COL4A2: variants seen among roughly 807,000 people sequenced by gnomAD.
The protein encoded by COL4A2 is collagen type IV alpha 2 chain, also known as collagen alpha-2(IV) chain.
COL4A2 carries 99 observed loss-of-function variants against 200.2 expected under a neutral mutation model. The observed-to-expected ratio is 0.49, with a 90% confidence interval of 0.42 to 0.58. The LOEUF (loss-of-function observed/expected upper bound fraction) is 0.58, where lower values mean the gene tolerates loss of function less well. Among genes scored for constraint, COL4A2 ranks in the 20% least tolerant of loss-of-function variants. COL4A2 has a pLI of 0.00. For synonymous variants in COL4A2, 897 were observed against 900.6 expected, an observed-to-expected ratio of 1.00 and a Z score of 0.07; for missense variants, 1,950 against 2,314.1, an observed-to-expected ratio of 0.84 and a Z score of 3.23.
Position 110,485,683 on chromosome 13 carries a change from G to A in COL4A2, c.3054G>A (p.Gly1018=), listed in dbSNP as rs749360484. 2.5e-6 allele frequency: 4 copies of A among 1,611,792 alleles called. No individual in the cohort carries two copies. Among genetic ancestry groups the A allele is most frequent in the East Asian group, 4.5e-5 (2 of 44,832 alleles). ...TCCAAGGAATGCCAGGCATCCCAGG[G>A]CTGTCAGGAATCCCTGGGCTGCCTG... is the stretch of plus-strand genomic sequence containing the variant. ...KGIQGMPGIP[G]LSGIPGLPGR... The change falls in exon 34 of 48, where the codon GGG becomes GGA. Residue 1018 remains glycine (G), a synonymous_variant. Coordinates refer to ENST00000360467, the MANE Select transcript of COL4A2 (RefSeq NM_001846.4).
At chr13:110,315,247 A>C (rs1885100825) in intron 3 of COL4A2, among the ~76,000 whole-genome samples, 2 of 152,216 alleles carry the variant, frequency 1.3e-5, no homozygotes, top group African/African-American at 2.4e-5. Context: ...TGTCCTTTGC[A>C]ACTGAGGCCC....
intron 45 of COL4A2, among the ~76,000 whole-genome samples, chr13:110,504,486 C>A (rs576947272): frequency 6.6e-6 from 1 of 152,190 alleles, no homozygotes; most frequent in East Asian, 1.9e-4. Flanking sequence ...TCCTGGGACA[C>A]CTGCGGTGCT....
At position 110,439,771 on chromosome 13, in the gene COL4A2, G is replaced by GT; in HGVS notation, c.913-12dup. 6.2e-7 allele frequency: 1 copy of GT among 1,613,826 alleles called. No homozygotes were observed. Among genetic ancestry groups the GT allele is most frequent in the Non-Finnish European group, 8.5e-7 (1 of 1,179,906 alleles). ...TGCATATTCTGAGCTGTTTGCTTCT[G>GT]TTTTTTGTTCATTCCAGGGTTACCC... On this transcript the variant is annotated splice_polypyrimidine_tract_variant and intron_variant, in intron 15 of 47. Transcript: ENST00000360467.
chr13:110,450,241 G>T, intron 19 of COL4A2, 64 bp from the exon 20 acceptor site: 2 of 1,492,850 alleles, frequency 1.3e-6, no homozygotes, highest in Non-Finnish European at 1.8e-6. Context: ...CTCTGGACAC[G>T]AACACAAAGG....
At chr13:110,487,418 A>T (rs181130760) in intron 34 of COL4A2, among the ~76,000 whole-genome samples, 1 of 152,280 alleles carries the variant, frequency 6.6e-6, no homozygotes, top group African/African-American at 2.4e-5. Flanking sequence ...GCGCCGTTGC[A>T]CTCCAGCTTG....
chr13:110,459,009 C>A, intron 22 of COL4A2, 75 bp downstream of exon 22: 1 of 1,381,914 alleles, frequency 7.2e-7, no homozygotes, highest in Non-Finnish European at 9.6e-7. Flanking sequence ...TGCCTTTTAT[C>A]TCCTAAGTTT....
intron 3 of COL4A2, among the ~76,000 whole-genome samples, chr13:110,312,851 CTT>C (rs1387100773): frequency 6.6e-6 from 1 of 152,210 alleles, no homozygotes; most frequent in Non-Finnish European, 1.5e-5. Flanking sequence ...GGGCAAGACA[CTT>C]TACGTGCTTT....
intron 10 of COL4A2, chr13:110,430,932 C>CA: frequency 1.9e-6 from 1 of 532,292 alleles, no homozygotes; most frequent in South Asian, 1.5e-5. Context: ...CAAGGCAAAC[C>CA]AAAGTCCCAC....
chr13:110,379,629 A>G (rs991189981), intron 4 of COL4A2, among the ~76,000 whole-genome samples: 3 of 152,146 alleles, frequency 2.0e-5, no homozygotes, highest in African/African-American at 7.2e-5. Context: ...TGCACAGACC[A>G]TGGAGCTGGG....
At chr13:110,367,405 T>C (rs896617701) in intron 4 of COL4A2, among the ~76,000 whole-genome samples, 1 of 152,238 alleles carries the variant, frequency 6.6e-6, no homozygotes, top group Admixed American at 6.5e-5. Context: ...TTAAAGTCTG[T>C]TTTGAATAAA....
intron 4 of COL4A2, among the ~76,000 whole-genome samples, chr13:110,417,225 G>T (rs1345338357): frequency 6.6e-6 from 1 of 152,120 alleles, no homozygotes; most frequent in East Asian, 1.9e-4. Context: ...AAAGTGCTGG[G>T]ATTACAGGCA....
At chr13:110,449,911 A>G (rs111630827) in intron 19 of COL4A2, 122 bp downstream of exon 19, 1 of 1,116,578 alleles carries the variant, frequency 9.0e-7, no homozygotes, top group Non-Finnish European at 1.3e-6. Flanking sequence ...CCCACTGACT[A>G]GTCTTAGCAG....
chr13:110,363,644 C>T (rs1320835483), intron 4 of COL4A2, among the ~76,000 whole-genome samples: 1 of 152,252 alleles, frequency 6.6e-6, no homozygotes, highest in Non-Finnish European at 1.5e-5. Flanking sequence ...GGGTGCCCCA[C>T]GCAGATATGA....
In COL4A2 at chr13:110,495,583, C is replaced by T. The variant is rs1396779903; in HGVS notation, c.3760+116C>T. 5 of 1,360,306 alleles carry T rather than the reference C, an allele frequency of 3.7e-6. No homozygotes were observed. In the East Asian group the frequency reaches 9.5e-5, roughly 26 times the overall value. The allele number at this position is 1,360,306 out of a possible 1,614,324, so 84.3% of individuals were successfully genotyped here. On this transcript the variant is annotated intron_variant, in intron 40 of 47. Transcript: ENST00000360467. ...GGCTGTGCAGAAGTGCAGGAAAGAG[C>T]TGGTTTTTCTGGGGAGGACTACCTG... is the stretch of plus-strand genomic sequence containing the variant.
At position 110,320,789 on chromosome 13, in the gene COL4A2, C is replaced by G. The variant is rs1461305613; in HGVS notation, c.99+12666C>G. 2.6e-5 allele frequency among the ~76,000 whole-genome samples: 4 copies of G among 152,182 alleles called. No homozygotes were observed. The South Asian group carries it at 6.2e-4, about 24-fold the overall frequency. On this transcript the variant is annotated intron_variant, in intron 3 of 47. Transcript: ENST00000360467. Reference sequence around the variant, plus strand: ...TTTTTATAGCACCTTTCAAAAACATCTCTTCTTTCAACACTTCTAGCTCAT... The same window carrying G: ...TTTTTATAGCACCTTTCAAAAACATGTCTTCTTTCAACACTTCTAGCTCAT...
chr13:110,338,443 GT>G (rs373979030), intron 3 of COL4A2, among the ~76,000 whole-genome samples: 229 of 140,870 alleles, frequency 1.6e-3, no homozygotes, highest in Admixed American at 2.5e-3. Flanking sequence ...GTGGGGGGGG[GT>G]GGGGGTAAAA....
At chr13:110,335,351 A>G (rs1253694520) in intron 3 of COL4A2, among the ~76,000 whole-genome samples, 1 of 152,160 alleles carries the variant, frequency 6.6e-6, no homozygotes. Flanking sequence ...AGTGGGAGGT[A>G]ACTGAATCAT....
intron 20 of COL4A2, chr13:110,456,550 A>C (rs553567325): frequency 1.5e-3 from 539 of 353,416 alleles, no homozygotes; most frequent in Non-Finnish European, 2.7e-3. Flanking sequence ...TGGAAAAACT[A>C]AATTTGCAGA....
intron 46 of COL4A2, 87 bp from the exon 47 acceptor site, chr13:110,507,848 A>C: frequency 7.0e-7 from 1 of 1,427,456 alleles, no homozygotes; most frequent in Non-Finnish European, 9.7e-7. Context: ...CGAGTCCGTG[A>C]CACACAGCCT....
Sources: allele counts gnomAD v4.1 joint callset (sites outside exome capture counted in the v4.1 genomes callset), GRCh38; gene constraint gnomAD v4.1.1; transcripts MANE v1.5; gene names NCBI Gene and HGNC (gene_info 2026-07-23, HGNC 2026-07-21).